SMPD4: variants seen among roughly 807,000 people sequenced by gnomAD.
SMPD4 encodes the protein neutral sphingomyelinase 3.
In SMPD4, 58 loss-of-function variants were observed where a neutral mutation model predicts 97.8. The observed-to-expected ratio is 0.59, with a 90% CI of 0.48 to 0.74. The LOEUF is 0.74. SMPD4 is among the 30% of genes least tolerant of loss of function. The probability of loss-of-function intolerance (pLI) is 0.00; values close to 1 mark genes in which losing one functional copy is unlikely to be tolerated. For missense variants in SMPD4, 853 were observed against 1,080.5 expected, an observed-to-expected ratio of 0.79 and a Z score of 2.95; for synonymous variants, 388 against 450.0, an observed-to-expected ratio of 0.86 and a Z score of 1.74.
At chr2:130,174,018 TAAAC>T (rs1326729429) in intron 3 of SMPD4, among the ~76,000 whole-genome samples, 2 of 150,756 alleles carry the variant, frequency 1.3e-5, no homozygotes, top group African/African-American at 2.4e-5. Context: ...AATAAAAAAA[TAAAC>T]AAAATACATA....
Position 130,154,482 on chromosome 2 carries a change from C to T in SMPD4, c.1454G>A (p.Gly485Asp). The change falls in exon 16 of 20, where the codon GGT becomes GAT. Residue 485 changes from glycine to aspartate, a missense_variant and splice_region_variant. Gly to Asp is a moderately conservative substitution (Grantham distance 94, BLOSUM62 -1). Coordinates refer to ENST00000680298, the MANE Select transcript of SMPD4 (RefSeq NM_017951.5). The stretch of plus-strand genomic sequence containing the variant: ...CTCTGGCTCCAGGAATAGCTGCTCA[C>T]CTAGAAGGCAGGAGACGAACCTGGC... The part of the protein sequence containing the change: ...QPNLAEMIQK[G>D]EQLFLEPELV... 1 of 1,552,854 alleles carries T rather than the reference C, an allele frequency of 6.4e-7. No homozygotes were observed. Among genetic ancestry groups the T allele is most frequent in the African/African-American group, 1.4e-5 (1 of 73,216 alleles).
chr2:130,156,795 C>T (rs1049474753), intron 12 of SMPD4, 120 bp from the exon 13 acceptor site: 15 of 1,548,848 alleles, frequency 9.7e-6, no homozygotes, highest in Admixed American at 7.8e-5. Context: ...TGGGCACCTC[C>T]GGGAGGTTCA....
chr2:130,169,194 A>G (rs888729401), intron 8 of SMPD4, among the ~76,000 whole-genome samples: 1 of 152,096 alleles, frequency 6.6e-6, no homozygotes, highest in Non-Finnish European at 1.5e-5. Context: ...CACACAGCCT[A>G]AGGGGCGGCC....
At chr2:130,180,788 G>A (rs909560805) in intron 1 of SMPD4, among the ~76,000 whole-genome samples, 2 of 152,218 alleles carry the variant, frequency 1.3e-5, no homozygotes, top group Non-Finnish European at 2.9e-5. Flanking sequence ...AGGCCCAGAG[G>A]AATTTCTAGG....
At chr2:130,166,662 A>G (rs1205343561) in intron 9 of SMPD4, among the ~76,000 whole-genome samples, 1 of 152,252 alleles carries the variant, frequency 6.6e-6, no homozygotes, top group African/African-American at 2.4e-5. Flanking sequence ...ATCCAGCGTC[A>G]GAAGCAGCAC....
At chr2:130,159,225 G>A (rs1267452129) in intron 11 of SMPD4, among the ~76,000 whole-genome samples, 1 of 152,062 alleles carries the variant, frequency 6.6e-6, no homozygotes, top group Non-Finnish European at 1.5e-5. Flanking sequence ...AAACTCCTGA[G>A]CTCAGGCAAT....
At chr2:130,157,994 G>C (rs1686998065) in intron 11 of SMPD4, 1 of 222,938 alleles carries the variant, frequency 4.5e-6, no homozygotes, top group African/African-American at 2.3e-5. Flanking sequence ...TTAAAAGTTA[G>C]CTGGGTGTGG....
At chr2:130,156,348 C>A in intron 13 of SMPD4, 2 of 657,224 alleles carry the variant, frequency 3.0e-6, no homozygotes, top group Non-Finnish European at 5.3e-6. Context: ...GCAGAGTACT[C>A]CCTGGTCAGG....
intron 8 of SMPD4, among the ~76,000 whole-genome samples, chr2:130,169,143 T>C (rs1324870807): frequency 2.0e-5 from 3 of 152,148 alleles, no homozygotes; most frequent in Non-Finnish European, 4.4e-5. Context: ...ACGGTGCTCC[T>C]CCCAACAAAG....
At position 130,156,485 on chromosome 2, in the gene SMPD4, T is replaced by C. The variant is rs147008067; in HGVS notation, c.1188+100A>G. ...AAGACCCCCTCCTTGCCAAGGCCTC[T>C]GTGATAACACTTGCTCTCCTCCTTT... is the stretch of plus-strand genomic sequence containing the variant. On this transcript the variant is annotated intron_variant, in intron 13 of 19. Transcript: ENST00000680298. 230 of 1,200,818 alleles carry C rather than the reference T, an allele frequency of 1.9e-4. 1 individual carries two copies. In the South Asian group the frequency reaches 3.2e-3, roughly 16 times the overall value. The allele number at this position is 1,200,818 out of a possible 1,614,324, so 74.4% of individuals were successfully genotyped here. A position where few individuals can be genotyped will look rare whatever the true frequency, so the allele number is the denominator to read the frequency against.
At position 130,174,880 on chromosome 2, in the gene SMPD4, C is replaced by T. The variant is rs528084768; in HGVS notation, c.126+34G>A. 14 of 1,467,754 alleles carry T rather than the reference C, an allele frequency of 9.5e-6. No individual in the cohort carries two copies. The South Asian group carries it at 1.1e-4, about 12-fold the overall frequency. The allele number at this position is 1,467,754 out of a possible 1,614,324, so 90.9% of individuals were successfully genotyped here. A position where few individuals can be genotyped will look rare whatever the true frequency, so the allele number is the denominator to read the frequency against. On this transcript the variant is annotated intron_variant, in intron 3 of 19. Coordinates refer to ENST00000680298, the MANE Select transcript of SMPD4 (RefSeq NM_017951.5). ...AAAGTTCTTCAACGAATGTATAAGACATGCTCCAAAGAGAGACGTTAGCAG... is the reference window on the plus strand; with the variant it reads ...AAAGTTCTTCAACGAATGTATAAGATATGCTCCAAAGAGAGACGTTAGCAG...
intron 9 of SMPD4, among the ~76,000 whole-genome samples, chr2:130,167,106 A>G (rs1197447997): frequency 6.9e-6 from 1 of 143,886 alleles, no homozygotes; most frequent in Non-Finnish European, 1.5e-5. Flanking sequence ...GGAAGGTGGC[A>G]ACAGTTTCTT....
intron 1 of SMPD4, among the ~76,000 whole-genome samples, chr2:130,177,786 A>G (rs2104923537): frequency 6.6e-6 from 1 of 152,210 alleles, no homozygotes; most frequent in South Asian, 2.1e-4. Flanking sequence ...AATCCTCGGT[A>G]ATGCTTGTAC....
At position 130,155,179 on chromosome 2, in the gene SMPD4, A is replaced by G; in HGVS notation, c.1370T>C (p.Leu457Pro). 6.2e-7 allele frequency: 1 copy of G among 1,614,210 alleles called. No individual in the cohort carries two copies. Among genetic ancestry groups the G allele is most frequent in the African/African-American group, 1.3e-5 (1 of 75,082 alleles). ...GFLNRALRTDLVSPKHALMVF... is the reference protein window; with the variant it reads ...GFLNRALRTDPVSPKHALMVF... ...CATGAGCGCGTGCTTGGGGCTGACC[A>G]GGTCTGTGCGGAGCGCGCGGTTCAG... Residue 457 changes from leucine to proline, a missense_variant, in exon 15 of 20, where the codon CTG becomes CCG. This residue lies in a region of SMPD4 where 511 missense variants were observed against 608.1 expected (regional missense o/e 0.84). Coordinates refer to ENST00000680298, the MANE Select transcript of SMPD4 (RefSeq NM_017951.5).
intron 9 of SMPD4, among the ~76,000 whole-genome samples, chr2:130,166,920 G>A (rs1193085600): frequency 5.9e-5 from 9 of 152,368 alleles, no homozygotes; most frequent in Middle Eastern, 3.4e-3. Context: ...CAGGCAAAAC[G>A]AAACAACTTC....
Position 130,156,152 on chromosome 2 carries a change from T to C in SMPD4, c.1189-17A>G, listed in dbSNP as rs753750722. 3 of 1,591,446 alleles carry C rather than the reference T, an allele frequency of 1.9e-6. No homozygotes were observed. Among genetic ancestry groups the C allele is most frequent in the Non-Finnish European group, 2.6e-6 (3 of 1,163,994 alleles). On this transcript the variant is annotated splice_polypyrimidine_tract_variant and intron_variant, in intron 13 of 19. Transcript: ENST00000680298. ...CTCCAGGACCTGTGGGGGAGGTGTG[T>C]GCTAAGGGCTCCGTGGCTGGGGGCC...
chr2:130,179,778 C>T (rs1689329615), intron 1 of SMPD4, among the ~76,000 whole-genome samples: 1 of 152,110 alleles, frequency 6.6e-6, no homozygotes, highest in African/African-American at 2.4e-5. Flanking sequence ...CCTCAGCCTC[C>T]CGAGTAGCTG....
At chr2:130,169,939 G>GT (rs1346950075) in intron 8 of SMPD4, among the ~76,000 whole-genome samples, 1 of 151,832 alleles carries the variant, frequency 6.6e-6, no homozygotes, top group Non-Finnish European at 1.5e-5. Context: ...ACTTGCAACT[G>GT]TAATTCCAGC....
intron 1 of SMPD4, 30 bp from the exon 2 acceptor site, chr2:130,176,667 A>T: frequency 6.5e-7 from 1 of 1,528,814 alleles, no homozygotes; most frequent in Non-Finnish European, 9.0e-7. Context: ...AAATCTCAAC[A>T]TCTGTAACAC....
Sources: gnomAD v4.1 joint callset for allele counts (sites outside exome capture counted in the v4.1 genomes callset) on GRCh38, gnomAD v4.1.1 for gene constraint, gnomAD v4.1.1 regional missense constraint, MANE v1.5 for transcripts, NCBI Gene and HGNC (gene_info 2026-07-23, HGNC 2026-07-21) for gene names.